PRDM16: variants seen among roughly 807,000 people sequenced by gnomAD.
PRDM16 encodes histone-lysine N-methyltransferase PRDM16.
PRDM16 carries 23 observed loss-of-function variants against 110.6 expected under a neutral mutation model. The observed-to-expected ratio is 0.21, with a 90% confidence interval of 0.15 to 0.29. PRDM16 has a LOEUF of 0.29. Among genes scored for constraint, PRDM16 ranks in the 10% least tolerant of loss-of-function variants. The pLI is 1.00. For synonymous variants in PRDM16, 799 were observed against 781.8 expected (o/e 1.02, Z -0.37); for missense variants, 1,615 against 1,794.3 (o/e 0.90, Z 1.81).
chr1:3,125,247 G>T (rs2100670628), intron 1 of PRDM16, among the ~76,000 whole-genome samples: 1 of 152,392 alleles, frequency 6.6e-6, no homozygotes, highest in Admixed American at 6.5e-5. Flanking sequence ...TCCGGCTGAG[G>T]CTGCTTTCTT....
intron 2 of PRDM16, among the ~76,000 whole-genome samples, chr1:3,234,832 T>C (rs1639504105): frequency 6.6e-6 from 1 of 152,260 alleles, no homozygotes; most frequent in African/African-American, 2.4e-5. Context: ...GGGGCCGTGA[T>C]GGTGCCTGAC....
chr1:3,153,396 G>A (rs111717338), intron 1 of PRDM16, among the ~76,000 whole-genome samples: 2 of 152,376 alleles, frequency 1.3e-5, no homozygotes, highest in African/African-American at 4.8e-5. Flanking sequence ...CACATGGTTT[G>A]CACTGTGCTG....
intron 1 of PRDM16, among the ~76,000 whole-genome samples, chr1:3,146,277 C>G (rs868385653): frequency 6.6e-6 from 1 of 152,202 alleles, no homozygotes; most frequent in African/African-American, 2.4e-5. Flanking sequence ...GTGGGGGGGG[C>G]CTCCCCGCTA....
chr1:3,128,520 G>A (rs1429757527), intron 1 of PRDM16, among the ~76,000 whole-genome samples: 1 of 152,150 alleles, frequency 6.6e-6, no homozygotes, highest in Admixed American at 6.5e-5. Context: ...CTCCACAGTG[G>A]CTCCATTTTC....
At position 3,081,482 on chromosome 1, in the gene PRDM16, G is replaced by C. The variant is rs1642027872; in HGVS notation, c.37+12186G>C. Among the ~76,000 whole-genome samples the C allele has an allele frequency of 6.6e-6, 1 of 152,196 alleles. No homozygotes were observed. The highest frequency in any genetic ancestry group is 2.1e-4 in the South Asian group (1 of 4,832). ...CCGAGCTGTGGCCGTGTGAGGAGCA[G>C]GGCTGAGGTGGGGAGAACGCCGACT... On this transcript the variant is annotated intron_variant, in intron 1 of 16. Transcript: ENST00000270722. This position sits in a 1 kb window ranked among gnomAD's most constrained non-coding sequence, Gnocchi z 4.6.
chr1:3,426,305 T>A, intron 14 of PRDM16, 80 bp downstream of exon 14: 2 of 1,210,072 alleles, frequency 1.7e-6, no homozygotes, highest in Non-Finnish European at 2.4e-6. Context: ...GACATGCACC[T>A]CCACCCCAGC....
At chr1:3,289,060 C>A (rs2100352113) in intron 3 of PRDM16, among the ~76,000 whole-genome samples, 1 of 152,352 alleles carries the variant, frequency 6.6e-6, no homozygotes, top group South Asian at 2.1e-4. Flanking sequence ...AGACCCCAAG[C>A]CCTGCAGAGG....
At chr1:3,383,700 C>T (rs1018426585) in intron 3 of PRDM16, among the ~76,000 whole-genome samples, 3 of 152,222 alleles carry the variant, frequency 2.0e-5, no homozygotes, top group African/African-American at 7.2e-5. Context: ...GAGTGCATGC[C>T]GAGCATCTGA....
At chr1:3,146,222 C>CA (rs1557482226) in intron 1 of PRDM16, among the ~76,000 whole-genome samples, 2 of 152,264 alleles carry the variant, frequency 1.3e-5, no homozygotes, top group South Asian at 2.1e-4. Flanking sequence ...AGGGTGGAAA[C>CA]GGGGGGGCCC....
intron 1 of PRDM16, among the ~76,000 whole-genome samples, chr1:3,106,724 G>A (rs187239915): frequency 2.6e-5 from 4 of 152,316 alleles, no homozygotes; most frequent in South Asian, 2.1e-4. Flanking sequence ...GCCAGCATGG[G>A]GGGGAGCAGC....
chr1:3,425,512 C>G lies in PRDM16; in HGVS notation c.2940-69C>G. On this transcript the variant is annotated intron_variant, in intron 12 of 16. Coordinates refer to ENST00000270722, the MANE Select transcript of PRDM16 (RefSeq NM_022114.4). The surrounding 1 kb of genome is among the most constrained non-coding windows in gnomAD (Gnocchi z 6.9). ...GCAGGGGCGCGGGCTCCCTTCCCCC[C>G]ACCCTCTGTGGCCCGGCCTGCCATG... 2 of 1,539,000 alleles carry G rather than the reference C, an allele frequency of 1.3e-6. No individual in the cohort carries two copies. Among genetic ancestry groups the G allele is most frequent in the Non-Finnish European group, 8.9e-7 (1 of 1,128,908 alleles).
intron 1 of PRDM16, among the ~76,000 whole-genome samples, chr1:3,087,682 A>G (rs1642181737): frequency 6.6e-6 from 1 of 152,164 alleles, no homozygotes; most frequent in African/African-American, 2.4e-5. Flanking sequence ...CCAGATGATC[A>G]ATCCAGGGAT....
At chr1:3,137,516 G>GCTC (rs903746007) in intron 1 of PRDM16, among the ~76,000 whole-genome samples, 1 of 152,230 alleles carries the variant, frequency 6.6e-6, no homozygotes, top group African/African-American at 2.4e-5. Context: ...GTCTGCTGCA[G>GCTC]GGGAGGCACT....
chr1:3,161,048 C>G (rs1643892948), intron 1 of PRDM16, among the ~76,000 whole-genome samples: 1 of 152,206 alleles, frequency 6.6e-6, no homozygotes, highest in Admixed American at 6.5e-5. Flanking sequence ...ACCAAACCCT[C>G]AGGCAGGAGC....
rs1409458724 is a variant in PRDM16 at position 3,435,603 on chromosome 1, AAAAG to A, written c.*1794_*1797del. The A allele has an allele frequency of 8.6e-6, 2 of 232,816 alleles. No individual in the cohort carries two copies. The highest frequency in any genetic ancestry group is 5.6e-5 in the Admixed American group (1 of 17,774). The allele number at this position is 232,816 out of a possible 1,614,324, so 14.4% of individuals were successfully genotyped here. A position where few individuals can be genotyped will look rare whatever the true frequency, so the allele number is the denominator to read the frequency against. ...AAATGCCCAAGTTGCCCTTTAAAAA[AAAAG>A]AGCGTAAATACAAACAGGAGTGGTG... On this transcript the variant is annotated 3_prime_UTR_variant, in exon 17 of 17. Transcript: ENST00000270722.
At position 3,325,939 on chromosome 1, in the gene PRDM16, C is replaced by CTCCTTGGCCA. The variant is rs1246774426; in HGVS notation, c.439-59208_439-59199dup. Among the ~76,000 whole-genome samples, 7 of 142,676 alleles carry CTCCTTGGCCA rather than the reference C, an allele frequency of 4.9e-5. No individual in the cohort carries two copies. In the East Asian group the frequency reaches 1.3e-3, roughly 27 times the overall value. 93.6% of individuals were successfully genotyped at this position (142,676 alleles called of 152,430 possible). A position where few individuals can be genotyped will look rare whatever the true frequency, so the allele number is the denominator to read the frequency against. On this transcript the variant is annotated intron_variant, in intron 3 of 16. Transcript: ENST00000270722. ...TTGGCCCTCCTCGGCCCTCTTGGCC[C>CTCCTTGGCCA]TCCTTGGCCATCCTCGACGATCCTT...
At position 3,243,107 on chromosome 1, in the gene PRDM16, C is replaced by T. The variant is rs1242664443; in HGVS notation, c.388-980C>T. 2.6e-5 allele frequency among the ~76,000 whole-genome samples: 4 copies of T among 152,168 alleles called. No individual in the cohort carries two copies. Among genetic ancestry groups the T allele is most frequent in the Non-Finnish European group, 4.4e-5 (3 of 68,042 alleles). ...GGCTGGAGCGACCTGGGAGGAAGAA[C>T]GAGCCGACTGCTGGCCCACTCCAGC... On this transcript the variant is annotated intron_variant, in intron 2 of 16. Transcript: ENST00000270722. This position sits in a 1 kb window ranked among gnomAD's most constrained non-coding sequence, Gnocchi z 5.5.
At chr1:3,296,293 G>A (rs1365188350) in intron 3 of PRDM16, among the ~76,000 whole-genome samples, 9 of 152,188 alleles carry the variant, frequency 5.9e-5, no homozygotes, top group Non-Finnish European at 1.0e-4. Context: ...AGTCACATTC[G>A]CCTCCTAGAG....
chr1:3,209,308 G>T lies in PRDM16; in HGVS notation c.387+22834G>T, dbSNP rs1406903147. ...CGGTCACGCTGAACAGTAACTGTGG[G>T]CAGGGACAGCACTGCACGTTTGACA... is the stretch of plus-strand genomic sequence containing the variant. On this transcript the variant is annotated intron_variant, in intron 2 of 16. Coordinates refer to ENST00000270722, the MANE Select transcript of PRDM16 (RefSeq NM_022114.4). This position sits in a 1 kb window ranked among gnomAD's most constrained non-coding sequence, Gnocchi z 4.6. 6.6e-6 allele frequency among the ~76,000 whole-genome samples: 1 copy of T among 152,216 alleles called. No homozygotes were observed. The highest frequency in any genetic ancestry group is 1.5e-5 in the Non-Finnish European group (1 of 68,038).
Sources: allele counts gnomAD v4.1 joint callset (sites outside exome capture counted in the v4.1 genomes callset), GRCh38; gene constraint gnomAD v4.1.1; non-coding constraint Gnocchi (gnomAD v3.1); transcripts MANE v1.5; gene names NCBI Gene and HGNC (gene_info 2026-07-23, HGNC 2026-07-21).